Variants in RPGR observed in about 807,000 individuals in gnomAD.
RPGR encodes retinitis pigmentosa GTPase regulator, also known as X-linked retinitis pigmentosa GTPase regulator.
Under a neutral mutation model 56.3 loss-of-function variants are expected in RPGR, and 10 were observed. That is an observed-to-expected ratio of 0.18 (90% CI 0.11 to 0.30). RPGR has a LOEUF of 0.30. RPGR is among the 10% of genes least tolerant of loss of function. The pLI is 1.00. For synonymous variants in RPGR, 197 were observed against 212.9 expected (o/e 0.93, Z 0.65); for missense variants, 538 against 590.9 (o/e 0.91, Z 0.93).
intron 6 of RPGR, chrX:38,317,096 A>G (rs1349495729): frequency 5.2e-6 from 2 of 382,608 alleles, no homozygotes; most frequent in Non-Finnish European, 9.1e-6. Flanking sequence ...TGAGCTCTCT[A>G]TATTCACCTA....
intron 6 of RPGR, among the ~76,000 whole-genome samples, chrX:38,315,464 C>A (rs1461409356): frequency 8.9e-6 from 1 of 111,893 alleles, no homozygotes; most frequent in East Asian, 2.8e-4. Context: ...AAAACAGGCA[C>A]AGAAAGACAT....
chrX:38,297,237 A>G, intron 11 of RPGR, 47 bp downstream of exon 11: 1 of 1,155,393 alleles, frequency 8.7e-7, no homozygotes, highest in Non-Finnish European at 1.2e-6. Context: ...AACTACAGGA[A>G]TAAAAGGCAC....
chrX:38,287,464 A>G (rs781534381), intron 14 of RPGR: 1 of 559,858 alleles, frequency 1.8e-6, no homozygotes, highest in African/African-American at 2.2e-5. Flanking sequence ...TGCACCTTCC[A>G]TGTAACTGTC....
rs778330419 is a variant in RPGR at position 38,324,204 on chromosome X, C to T, written c.29-680G>A. On this transcript the variant is annotated intron_variant, in intron 1 of 18. Coordinates refer to ENST00000642395, the MANE Select transcript of RPGR (RefSeq NM_000328.3). Reference sequence around the variant, plus strand: ...GCCCAAGCAATCCTCCCGCCTCAGCCTCTGGAGTAGCTAGGACTATAGGCG... The same window carrying T: ...GCCCAAGCAATCCTCCCGCCTCAGCTTCTGGAGTAGCTAGGACTATAGGCG... Among the ~76,000 whole-genome samples the T allele has an allele frequency of 4.3e-3, 477 of 111,891 alleles. 1 individual carries two copies. Among genetic ancestry groups the T allele is most frequent in the African/African-American group, 0.015 (466 of 30,821 alleles).
chrX:38,281,029 C>T (rs2067020471), intron 15 of RPGR, among the ~76,000 whole-genome samples: 1 of 112,244 alleles, frequency 8.9e-6, no homozygotes, highest in African/African-American at 3.2e-5. Flanking sequence ...TTTCTAGGCA[C>T]CACTCCCTTA....
intron 9 of RPGR, among the ~76,000 whole-genome samples, chrX:38,299,598 C>A (rs898381925): frequency 2.7e-5 from 3 of 110,613 alleles, no homozygotes; most frequent in African/African-American, 9.9e-5. Flanking sequence ...TTTATATGAA[C>A]ATTTTCTAAG....
chrX:38,277,346 T>C (rs1273420828), intron 15 of RPGR, among the ~76,000 whole-genome samples: 1 of 111,959 alleles, frequency 8.9e-6, no homozygotes, highest in Non-Finnish European at 1.9e-5. Flanking sequence ...GTCTGGCTAC[T>C]GGCCAGCTAA....
chrX:38,290,645 G>A (rs1428872012), intron 13 of RPGR, among the ~76,000 whole-genome samples: 1 of 111,751 alleles, frequency 8.9e-6, no homozygotes, highest in Non-Finnish European at 1.9e-5. Context: ...ATAAATGGTA[G>A]TCTTTTCCTA....
chrX:38,322,942 T>C lies in RPGR; in HGVS notation c.158A>G (p.Asn53Ser). Residue 53 changes from asparagine to serine, a missense_variant, in exon 3 of 19, where the codon AAT becomes AGT. Asn to Ser is a conservative substitution (Grantham distance 46, BLOSUM62 1). Transcript: ENST00000642395. ...ACTGCCAAACATGTAAAGTTTATTA[T>C]TTCCTGGTAGGAGGGAAAAAGAAAT... 8.4e-7 allele frequency: 1 copy of C among 1,192,228 alleles called. No individual in the cohort carries two copies.
intron 9 of RPGR, among the ~76,000 whole-genome samples, chrX:38,299,782 T>C (rs1159593952): frequency 9.0e-6 from 1 of 110,602 alleles, no homozygotes; most frequent in Non-Finnish European, 1.9e-5. Flanking sequence ...ACATAGGTTC[T>C]AGATACTTTA....
At chrX:38,291,065 T>C (rs2067269312) in intron 12 of RPGR, 41 bp from the exon 13 acceptor site, 1 of 373,579 alleles carries the variant, frequency 2.7e-6, no homozygotes, top group Admixed American at 6.0e-5. Flanking sequence ...AAGAATACAG[T>C]ATATATACTA....
chrX:38,306,210 G>A (rs1193461925), intron 7 of RPGR, among the ~76,000 whole-genome samples: 2 of 111,875 alleles, frequency 1.8e-5, no homozygotes, highest in Non-Finnish European at 3.8e-5. Context: ...GCAAGAGCTT[G>A]TTATTCAGGC....
At chrX:38,327,018 T>C (rs757286291) in intron 1 of RPGR, 157 of 243,165 alleles carry the variant, frequency 6.5e-4, no homozygotes, top group African/African-American at 2.9e-3. Context: ...GATTGCGCCA[T>C]TGCACTCCAG....
chrX:38,291,472 T>C lies in RPGR; in HGVS notation c.1427A>G (p.Asp476Gly). The stretch of plus-strand genomic sequence containing the variant: ...TATCTCTGCTTCTTTGGTCATTTCA[T>C]CTAGCAAATAATCTGAATGATTAAA... Residue 476 changes from aspartate to glycine, a missense_variant, in exon 12 of 19, where the codon GAT (aspartate) becomes GGT (glycine). Physicochemically the swap from Asp to Gly is moderately conservative, Grantham distance 94. Transcript: ENST00000642395. 1 of 1,135,921 alleles carries C rather than the reference T, an allele frequency of 8.8e-7. No individual in the cohort carries two copies. Among genetic ancestry groups the C allele is most frequent in the Non-Finnish European group, 1.2e-6 (1 of 828,934 alleles). The allele number at this position is 1,135,921 out of a possible 1,213,427, so 93.6% of individuals were successfully genotyped here.
chrX:38,273,353 A>G, intron 18 of RPGR: 1 of 1,066,501 alleles, frequency 9.4e-7, no homozygotes. Context: ...ATTGAATTCA[A>G]AAGGATCAAA....
chrX:38,314,120 C>T (rs1388954904), intron 6 of RPGR, among the ~76,000 whole-genome samples: 2 of 111,007 alleles, frequency 1.8e-5, no homozygotes, highest in Admixed American at 1.9e-4. Flanking sequence ...TTGTGATGGG[C>T]GGCATTCTAA....
chrX:38,291,079 A>T, intron 12 of RPGR, 55 bp from the exon 13 acceptor site: 1 of 291,167 alleles, frequency 3.4e-6, no homozygotes, highest in Non-Finnish European at 5.5e-6. Context: ...TATACTATAT[A>T]TTTGTATATA....
chrX:38,310,105 G>A (rs1000542679), intron 7 of RPGR, among the ~76,000 whole-genome samples: 2 of 110,522 alleles, frequency 1.8e-5, no homozygotes, highest in Middle Eastern at 4.6e-3. Flanking sequence ...TCAGCCTCCT[G>A]AATACCTGAG....
chrX:38,292,883 A>G (rs1028694679), intron 11 of RPGR, among the ~76,000 whole-genome samples: 5 of 111,565 alleles, frequency 4.5e-5, no homozygotes, highest in Non-Finnish European at 9.4e-5. Context: ...GGGGAAGACA[A>G]TGAAGCCCAT....
Sources: allele counts gnomAD v4.1 joint callset (sites outside exome capture counted in the v4.1 genomes callset), GRCh38; gene constraint gnomAD v4.1.1; transcripts MANE v1.5; gene names NCBI Gene and HGNC (gene_info 2026-07-23, HGNC 2026-07-21).